Variants in DDX5 observed in about 807,000 individuals in gnomAD.
DDX5 encodes probable ATP-dependent RNA helicase DDX5.
Under a neutral mutation model 68.6 loss-of-function variants are expected in DDX5, and 6 were observed. That is an observed-to-expected ratio of 0.09 (90% CI 0.05 to 0.17). The LOEUF is 0.17. Among genes scored for constraint, DDX5 ranks in the 10% least tolerant of loss-of-function variants. DDX5 has a pLI of 1.00. For synonymous variants in DDX5, 350 were observed against 247.0 expected (o/e 1.42, Z -3.91); for missense variants, 499 against 756.1 (o/e 0.66, Z 3.99).
chr17:64,502,291 T>C, intron 9 of DDX5, 68 bp from the exon 10 acceptor site: 1 of 1,549,616 alleles, frequency 6.5e-7, no homozygotes, highest in Non-Finnish European at 8.9e-7. Flanking sequence ...GCTTGACCAC[T>C]TTTGGTCACA....
At chr17:64,506,773 A>G, upstream of DDX5, 1 of 516,404 alleles carries the variant, frequency 1.9e-6, no homozygotes, top group Non-Finnish European at 3.5e-6. Context: ...CGCTGCTCGC[A>G]CCCCGGGACC....
rs201728992 is a variant in DDX5, at chr17:64,499,890, G to A, written c.*33C>T. ...AACACACAATATAAAGAGCAATTAT[G>A]AAAAACAGACATTTACATATACTTC... On this transcript the variant is annotated 3_prime_UTR_variant, in exon 13 of 13. Transcript: ENST00000225792. 6.6e-7 allele frequency: 1 copy of A among 1,519,990 alleles called. No individual in the cohort carries two copies. The highest frequency in any genetic ancestry group is 8.8e-7 in the Non-Finnish European group (1 of 1,134,762). The allele number at this position is 1,519,990 out of a possible 1,614,324, so 94.2% of individuals were successfully genotyped here.
chr17:64,505,376 T>G (rs2038436006), intron 1 of DDX5: 1 of 454,992 alleles, frequency 2.2e-6, no homozygotes, highest in Admixed American at 3.7e-5. Context: ...GCGGTAGAGC[T>G]CCGGATCAAC....
At position 64,500,106 on chromosome 17, in the gene DDX5, T is replaced by TATACCA. The variant is rs2038257882; in HGVS notation, c.1656_1661dup (p.Gly553_Ile554dup). On this transcript the variant is annotated inframe_insertion, in exon 13 of 13. Coordinates refer to ENST00000225792, the MANE Select transcript of DDX5 (RefSeq NM_004396.5). ...GATTACCAGTCCTAAAACTGGTCTGTATACCAGCAGACACAAAATTACTTC... is the reference window on the plus strand; with the variant it reads ...GATTACCAGTCCTAAAACTGGTCTGTATACCAATACCAGCAGACACAAAATTACTTC... 6.2e-7 allele frequency: 1 copy of TATACCA among 1,614,114 alleles called. No homozygotes were observed. Among genetic ancestry groups the TATACCA allele is most frequent in the African/African-American group, 1.3e-5 (1 of 74,940 alleles).
intron 1 of DDX5, chr17:64,505,781 C>A (rs2038473871): frequency 6.5e-7 from 1 of 1,536,182 alleles, no homozygotes; most frequent in South Asian, 1.2e-5. Flanking sequence ...CGAAGCGTCC[C>A]GCTTTCATCC....
chr17:64,505,750 CAG>C (rs1568108914), intron 1 of DDX5: 3 of 1,536,204 alleles, frequency 2.0e-6, no homozygotes, highest in Non-Finnish European at 2.6e-6. Flanking sequence ...CCGCACCTAA[CAG>C]ATGTTCCTTC....
At chr17:64,504,165 AGAGG>A in intron 3 of DDX5, 49 bp from the exon 4 acceptor site, 1 of 1,612,614 alleles carries the variant, frequency 6.2e-7, no homozygotes, top group Non-Finnish European at 8.5e-7. Context: ...GCCAAGAAAA[AGAGG>A]GGGTAGGTGG....
chr17:64,505,127 T>C, intron 1 of DDX5: 1 of 332,436 alleles, frequency 3.0e-6, no homozygotes, highest in Non-Finnish European at 5.5e-6. Context: ...TGCCAGAATT[T>C]GGGATTCTGG....
chr17:64,501,998 G>A lies in DDX5; in HGVS notation c.1216+12C>T. 6.2e-7 allele frequency: 1 copy of A among 1,613,580 alleles called. No homozygotes were observed. Among genetic ancestry groups the A allele is most frequent in the Non-Finnish European group, 8.5e-7 (1 of 1,179,704 alleles). The stretch of plus-strand genomic sequence containing the variant: ...CTGGGAAACCAAGCCATGAATGCGA[G>A]TTTGTACTAACCTAGCCCTCTGGAG... On this transcript the variant is annotated intron_variant, in intron 11 of 12. Coordinates refer to ENST00000225792, the MANE Select transcript of DDX5 (RefSeq NM_004396.5).
chr17:64,506,791 G>T, upstream of DDX5: 2 of 543,656 alleles, frequency 3.7e-6, no homozygotes, highest in Non-Finnish European at 6.6e-6. Flanking sequence ...ACCCGCCCGG[G>T]CTGCCGGCTG....
intron 2 of DDX5, 148 bp downstream of exon 2, chr17:64,504,529 C>T (rs2038377352): frequency 9.2e-7 from 1 of 1,090,948 alleles, no homozygotes; most frequent in African/African-American, 1.6e-5. Flanking sequence ...CCACCTATAT[C>T]CAAAAGTGAG....
chr17:64,506,255 C>A lies in DDX5; in HGVS notation c.-136G>T, dbSNP rs548120761. ...AGGACACCGATGACACCAGCCGAAG[C>A]TGCACTACTAGAGACCGGTAGAAAT... On this transcript the variant is annotated 5_prime_UTR_variant, in exon 1 of 13. Transcript: ENST00000225792. The A allele has an allele frequency of 2.6e-6, 4 of 1,546,662 alleles. No homozygotes were observed. The highest frequency in any genetic ancestry group is 1.4e-5 in the African/African-American group (1 of 73,140).
chr17:64,506,180 T>G lies in DDX5; in HGVS notation c.-61A>C, dbSNP rs1555672584. The G allele has an allele frequency of 6.3e-6, 10 of 1,589,464 alleles. No individual in the cohort carries two copies. The highest frequency in any genetic ancestry group is 8.6e-6 in the Non-Finnish European group (10 of 1,168,110). ...TATAGAAAAGCGTGCGACAAGTCGC[T>G]GGAAATGGCCTCGATGACGGCGAAG... On this transcript the variant is annotated 5_prime_UTR_variant, in exon 1 of 13. Coordinates refer to ENST00000225792, the MANE Select transcript of DDX5 (RefSeq NM_004396.5).
At position 64,506,152 on chromosome 17, in the gene DDX5, G is replaced by A. The variant is rs782507196; in HGVS notation, c.-33C>T. 24 of 1,606,836 alleles carry A rather than the reference G, an allele frequency of 1.5e-5. No homozygotes were observed. The highest frequency in any genetic ancestry group is 4.5e-5 in the East Asian group (2 of 44,686). ...ATGGTTGCGGTTGGCGGGGAACGAA[G>A]TATATAGAAAAGCGTGCGACAAGTC... On this transcript the variant is annotated 5_prime_UTR_variant, in exon 1 of 13. Coordinates refer to ENST00000225792, the MANE Select transcript of DDX5 (RefSeq NM_004396.5).
Position 64,499,876 on chromosome 17 carries a change from T to C in DDX5, c.*47A>G. On this transcript the variant is annotated 3_prime_UTR_variant, in exon 13 of 13. Coordinates refer to ENST00000225792, the MANE Select transcript of DDX5 (RefSeq NM_004396.5). ...CTATCTTGTCAGATAACACACAATA[T>C]AAAGAGCAATTATGAAAAACAGACA... The C allele has an allele frequency of 2.7e-6, 4 of 1,494,068 alleles. No homozygotes were observed. Among genetic ancestry groups the C allele is most frequent in the Non-Finnish European group, 3.6e-6 (4 of 1,116,120 alleles). The allele number at this position is 1,494,068 out of a possible 1,614,324, so 92.6% of individuals were successfully genotyped here.
intron 12 of DDX5, 70 bp from the exon 13 acceptor site, chr17:64,500,396 A>G: frequency 6.5e-7 from 1 of 1,548,582 alleles, no homozygotes; most frequent in East Asian, 2.3e-5. Context: ...AGAAAGAAAC[A>G]GATCTATTCA....
intron 2 of DDX5, 123 bp downstream of exon 2, chr17:64,504,554 A>G: frequency 2.4e-6 from 3 of 1,233,024 alleles, no homozygotes; most frequent in Non-Finnish European, 3.4e-6. Flanking sequence ...ACCTTTCCCA[A>G]TTATGAAGTC....
At chr17:64,505,765 C>T (rs2038472359) in intron 1 of DDX5, 1 of 1,536,202 alleles carries the variant, frequency 6.5e-7, no homozygotes, top group Non-Finnish European at 8.7e-7. Flanking sequence ...GTTCCTTCGT[C>T]TGCCTCGAAG....
At position 64,500,641 on chromosome 17, in the gene DDX5, A is replaced by C; in HGVS notation, c.1349T>G (p.Ile450Arg). The change falls in exon 12 of 13, where the codon ATA (isoleucine) becomes AGA (arginine). Residue 450 changes from isoleucine (I) to arginine (R), a missense_variant. Physicochemically the swap from Ile to Arg is moderately conservative, Grantham distance 97 (BLOSUM62 -3). Coordinates refer to ENST00000225792, the MANE Select transcript of DDX5 (RefSeq NM_004396.5). ...AGAGATAAGGTCGCTCACTTGCTTT[A>C]TGTTATTAGGTGTAAAGAAAGTGTA... is the stretch of plus-strand genomic sequence containing the variant. ...TAYTFFTPNN[I>R]KQVSDLISVL... 1.2e-6 allele frequency: 2 copies of C among 1,614,194 alleles called. No individual in the cohort carries two copies. The highest frequency in any genetic ancestry group is 3.3e-5 in the Admixed American group (2 of 60,026).
Sources: gnomAD v4.1 joint callset for allele counts on GRCh38, gnomAD v4.1.1 for gene constraint, MANE v1.5 for transcripts, NCBI Gene and HGNC (gene_info 2026-07-23, HGNC 2026-07-21) for gene names.